Variants in HTR2A observed in about 807,000 individuals in gnomAD.
HTR2A encodes 5-hydroxytryptamine receptor 2A.
A neutral mutation model predicts 31.0 loss-of-function variants in HTR2A; 14 were observed. The ratio of observed to expected loss-of-function variants is 0.45; its 90% CI spans 0.30 to 0.71. The LOEUF is 0.71. Among genes scored for constraint, HTR2A ranks in the 30% least tolerant of loss-of-function variants. HTR2A has a pLI of 0.09. For missense variants in HTR2A, 442 were observed against 573.3 expected (o/e 0.77, Z 2.34); for synonymous variants, 209 against 225.2 (o/e 0.93, Z 0.64).
At chr13:46,867,264 TAA>T (rs1950824874) in intron 3 of HTR2A, among the ~76,000 whole-genome samples, 1 of 152,166 alleles carries the variant, frequency 6.6e-6, no homozygotes, top group Non-Finnish European at 1.5e-5. Context: ...CACCTAGAGA[TAA>T]GTTACCCTTA....
intron 3 of HTR2A, among the ~76,000 whole-genome samples, chr13:46,835,979 C>A (rs888572434): frequency 1.3e-5 from 2 of 151,934 alleles, no homozygotes; most frequent in Non-Finnish European, 2.9e-5. Flanking sequence ...TGTCCAATAA[C>A]GTCACCATCT....
chr13:46,882,466 C>A (rs549399856), intron 3 of HTR2A, among the ~76,000 whole-genome samples: 2 of 152,038 alleles, frequency 1.3e-5, no homozygotes, highest in African/African-American at 4.8e-5. Flanking sequence ...TTCTAAATGG[C>A]CCAAAGACTT....
intron 3 of HTR2A, among the ~76,000 whole-genome samples, chr13:46,878,434 T>C (rs1256057792): frequency 6.6e-6 from 1 of 152,076 alleles, no homozygotes; most frequent in African/African-American, 2.4e-5. Flanking sequence ...CTTCTGGCTA[T>C]AAGCAGCCAC....
chr13:46,841,768 G>T (rs1950599097), intron 3 of HTR2A, among the ~76,000 whole-genome samples: 1 of 152,054 alleles, frequency 6.6e-6, no homozygotes, highest in African/African-American at 2.4e-5. Flanking sequence ...ACTGAAAGGC[G>T]AAGAGATTGA....
rs1414598346 is a variant in HTR2A, at chr13:46,895,813, A to G, written c.94T>C (p.Phe32Leu). The stretch of plus-strand genomic sequence containing the variant: ...GAAGTGTTAGCTTCTCCGGAGTTAA[A>G]GTCATTACTGTAGAGCCTGGTGTCA... ...NDDTRLYSND[F>L]NSGEANTSDA... is the part of the protein sequence containing the mutation. The change falls in exon 2 of 4, where the codon TTT becomes CTT. Residue 32 changes from phenylalanine (F) to leucine (L), a missense_variant. This residue lies in a region of HTR2A where 83 missense variants were observed against 84.8 expected (regional missense o/e 0.98). Transcript: ENST00000542664. This position sits in a 1 kb window ranked among gnomAD's most constrained non-coding sequence, Gnocchi z 4.4. The G allele has an allele frequency of 1.2e-6, 2 of 1,614,060 alleles. No individual in the cohort carries two copies. The highest frequency in any genetic ancestry group is 2.7e-5 in the African/African-American group (2 of 74,932).
chr13:46,862,101 A>G (rs1950783175), intron 3 of HTR2A, among the ~76,000 whole-genome samples: 2 of 152,230 alleles, frequency 1.3e-5, no homozygotes, highest in African/African-American at 4.8e-5. Context: ...ACCACTGTCC[A>G]AGTTTGTAAA....
intron 3 of HTR2A, among the ~76,000 whole-genome samples, chr13:46,857,487 T>C (rs1950747214): frequency 6.6e-6 from 1 of 152,106 alleles, no homozygotes; most frequent in African/African-American, 2.4e-5. Flanking sequence ...GGCTCTAATC[T>C]CATTCCTGAG....
Position 46,888,779 on chromosome 13 carries a change from G to C in HTR2A, c.613+3611C>G, listed in dbSNP as rs549071694. Among the ~76,000 whole-genome samples, 10 of 152,264 alleles carry C rather than the reference G, an allele frequency of 6.6e-5. No individual in the cohort carries two copies. In the South Asian group the frequency reaches 1.9e-3, roughly 29 times the overall value. On this transcript the variant is annotated intron_variant, in intron 3 of 3. Coordinates refer to ENST00000542664, the MANE Select transcript of HTR2A (RefSeq NM_000621.5). The stretch of plus-strand genomic sequence containing the variant: ...CAACAGGGATAGATGGAGCTAAAAG[G>C]TTCTAAAGTTTTTGCACTATCCGAG...
At chr13:46,847,530 A>G (rs1440340857) in intron 3 of HTR2A, among the ~76,000 whole-genome samples, 2 of 152,236 alleles carry the variant, frequency 1.3e-5, no homozygotes, top group African/African-American at 4.8e-5. Context: ...ATAAGAAACA[A>G]AACACATTGT....
intron 3 of HTR2A, among the ~76,000 whole-genome samples, chr13:46,848,280 T>C (rs1950658600): frequency 6.6e-6 from 1 of 152,240 alleles, no homozygotes; most frequent in East Asian, 1.9e-4. Context: ...GTCTTAAGTA[T>C]GCCTTTAGTT....
At chr13:46,844,699 T>C (rs945231557) in intron 3 of HTR2A, among the ~76,000 whole-genome samples, 3 of 152,156 alleles carry the variant, frequency 2.0e-5, no homozygotes, top group African/African-American at 7.2e-5. Flanking sequence ...AACTGGAGCA[T>C]GAATATAGTG....
chr13:46,889,109 G>A (rs1387709403), intron 3 of HTR2A, among the ~76,000 whole-genome samples: 1 of 152,124 alleles, frequency 6.6e-6, no homozygotes, highest in South Asian at 2.1e-4. Flanking sequence ...GCTGCTTACA[G>A]GCTAACACTT....
At chr13:46,857,631 A>G (rs1312129048) in intron 3 of HTR2A, among the ~76,000 whole-genome samples, 1 of 152,196 alleles carries the variant, frequency 6.6e-6, no homozygotes, top group Non-Finnish European at 1.5e-5. Flanking sequence ...GGGGCATTTG[A>G]CTTGAATTTG....
At chr13:46,882,265 A>G (rs1950972288) in intron 3 of HTR2A, among the ~76,000 whole-genome samples, 1 of 152,130 alleles carries the variant, frequency 6.6e-6, no homozygotes, top group Non-Finnish European at 1.5e-5. Context: ...CAGAGACAAT[A>G]AAAAAATCCT....
chr13:46,861,658 C>A (rs1950779393), intron 3 of HTR2A, among the ~76,000 whole-genome samples: 1 of 152,186 alleles, frequency 6.6e-6, no homozygotes. Context: ...ACCTGTTAGG[C>A]TTATCAACTA....
chr13:46,897,840 C>T (rs1951115330), upstream of HTR2A, among the ~76,000 whole-genome samples: 2 of 152,136 alleles, frequency 1.3e-5, no homozygotes, highest in African/African-American at 4.8e-5. Context: ...CAGTTCCAGA[C>T]CTAAATCTCT....
chr13:46,889,689 G>A (rs1212563394), intron 3 of HTR2A, among the ~76,000 whole-genome samples: 1 of 152,162 alleles, frequency 6.6e-6, no homozygotes, highest in Non-Finnish European at 1.5e-5. Flanking sequence ...AAACAAGTTA[G>A]ATCATATTTT....
intron 3 of HTR2A, among the ~76,000 whole-genome samples, chr13:46,863,199 T>C (rs1486398367): frequency 1.3e-5 from 2 of 152,188 alleles, no homozygotes; most frequent in Non-Finnish European, 2.9e-5. Flanking sequence ...AGGGCAATTA[T>C]ACATGAAAAA....
At chr13:46,858,563 T>G (rs1950756778) in intron 3 of HTR2A, among the ~76,000 whole-genome samples, 1 of 152,280 alleles carries the variant, frequency 6.6e-6, no homozygotes, top group African/African-American at 2.4e-5. Context: ...CTGATCATAT[T>G]TGGGTTTTAG....
Sources: allele counts gnomAD v4.1 joint callset (sites outside exome capture counted in the v4.1 genomes callset), GRCh38; gene constraint gnomAD v4.1.1; regional missense constraint gnomAD v4.1.1; non-coding constraint Gnocchi (gnomAD v3.1); transcripts MANE v1.5; gene names NCBI Gene and HGNC (gene_info 2026-07-23, HGNC 2026-07-21).